Variants in MSRA observed in about 807,000 individuals in gnomAD.
MSRA encodes the protein methionine sulfoxide reductase A.
MSRA carries 54 observed loss-of-function variants against 31.3 expected under a neutral mutation model. The ratio of observed to expected loss-of-function variants is 1.73; its 90% confidence interval spans 1.39 to 2.17. The LOEUF is 2.17. Ranked by LOEUF, MSRA falls within the 30% of genes most tolerant of loss-of-function variation. The probability of loss-of-function intolerance (pLI) is 0.00; values close to 1 mark genes in which losing one functional copy is unlikely to be tolerated. For synonymous variants in MSRA, 169 were observed against 116.5 expected (o/e 1.45, Z -2.90); for missense variants, 507 against 300.9 (o/e 1.69, Z -5.07).
At chr8:10,075,903 T>A (rs761080200) in intron 1 of MSRA, among the ~76,000 whole-genome samples, 19 of 152,234 alleles carry the variant, frequency 1.2e-4, no homozygotes, top group Non-Finnish European at 2.5e-4. Context: ...AGTGTGATGC[T>A]GGGAAATGAA....
intron 2 of MSRA, among the ~76,000 whole-genome samples, chr8:10,232,840 A>G (rs938106715): frequency 6.6e-6 from 1 of 152,216 alleles, no homozygotes; most frequent in African/African-American, 2.4e-5. Flanking sequence ...TGATTTTGTA[A>G]TGATTGTGTC....
chr8:10,159,539 T>C (rs1804461098), intron 1 of MSRA, among the ~76,000 whole-genome samples: 1 of 152,226 alleles, frequency 6.6e-6, no homozygotes, highest in Non-Finnish European at 1.5e-5. Flanking sequence ...AAGTACAGTT[T>C]TTTACTCAAT....
chr8:10,162,233 C>T (rs979663036), intron 1 of MSRA, among the ~76,000 whole-genome samples: 2 of 152,142 alleles, frequency 1.3e-5, no homozygotes, highest in Admixed American at 1.3e-4. Context: ...GGACAGGGTA[C>T]TTGCAGAATC....
Position 10,074,488 on chromosome 8 carries a change from A to G in MSRA, c.142+19830A>G, listed in dbSNP as rs62488694. On this transcript the variant is annotated intron_variant, in intron 1 of 5. Transcript: ENST00000317173. ...TCTCTAAGTTAGGAAATAAGTGAAT[A>G]AGTTTTTTTGATCACTGAAAGGTAA... Among the ~76,000 whole-genome samples the G allele has an allele frequency of 2.4e-3, 366 of 152,226 alleles. 1 individual carries two copies. The highest frequency in any genetic ancestry group is 3.8e-3 in the Non-Finnish European group (260 of 68,022).
intron 5 of MSRA, among the ~76,000 whole-genome samples, chr8:10,363,592 C>T (rs1336647082): frequency 6.6e-6 from 1 of 152,158 alleles, no homozygotes; most frequent in African/African-American, 2.4e-5. Context: ...GGATCTACAT[C>T]TGCGTAACCT....
intron 1 of MSRA, among the ~76,000 whole-genome samples, chr8:10,120,751 C>T (rs369115564): frequency 1.3e-5 from 2 of 152,164 alleles, no homozygotes; most frequent in African/African-American, 2.4e-5. Flanking sequence ...CCTGCCCTTG[C>T]AGACTCACTG....
chr8:10,382,386 G>A (rs1483148291), intron 5 of MSRA, among the ~76,000 whole-genome samples: 2 of 152,200 alleles, frequency 1.3e-5, no homozygotes, highest in Non-Finnish European at 2.9e-5. Flanking sequence ...CACACTGCTG[G>A]AAGAGACACC....
chr8:10,067,494 T>G (rs918998663), intron 1 of MSRA, among the ~76,000 whole-genome samples: 7 of 152,238 alleles, frequency 4.6e-5, no homozygotes, highest in Admixed American at 3.3e-4. Flanking sequence ...TCTATTAAAA[T>G]TTTTATTCAA....
At chr8:10,307,078 C>T (rs887944937) in intron 4 of MSRA, among the ~76,000 whole-genome samples, 1 of 152,206 alleles carries the variant, frequency 6.6e-6, no homozygotes, top group Non-Finnish European at 1.5e-5. Flanking sequence ...TATTTGGATG[C>T]AGCTCTGTCT....
chr8:10,131,066 C>T (rs1801860165), intron 1 of MSRA, among the ~76,000 whole-genome samples: 2 of 152,184 alleles, frequency 1.3e-5, no homozygotes, highest in South Asian at 4.1e-4. Context: ...AGAAAGGACA[C>T]ATTCTTGCCT....
At chr8:10,170,483 T>G (rs1805497990) in intron 1 of MSRA, among the ~76,000 whole-genome samples, 1 of 152,166 alleles carries the variant, frequency 6.6e-6, no homozygotes, top group African/African-American at 2.4e-5. Flanking sequence ...CCTCCAGAAT[T>G]GTGAGGAATA....
chr8:10,381,084 C>G (rs1269705051), intron 5 of MSRA, among the ~76,000 whole-genome samples: 1 of 152,040 alleles, frequency 6.6e-6, no homozygotes, highest in Non-Finnish European at 1.5e-5. Context: ...GATGGATATC[C>G]TATATCTATT....
chr8:10,269,540 C>T (rs1585322085), intron 3 of MSRA, among the ~76,000 whole-genome samples: 1 of 152,356 alleles, frequency 6.6e-6, no homozygotes, highest in Non-Finnish European at 1.5e-5. Flanking sequence ...CTACAGAGAG[C>T]CGGCAGGGCA....
chr8:10,240,371 T>C (rs1368328562), intron 2 of MSRA, among the ~76,000 whole-genome samples: 4 of 152,172 alleles, frequency 2.6e-5, no homozygotes, highest in African/African-American at 9.7e-5. Context: ...ATCTCTGCCA[T>C]TGTGGCCAGT....
chr8:10,132,436 G>A (rs1026426834), intron 1 of MSRA, among the ~76,000 whole-genome samples: 3 of 152,174 alleles, frequency 2.0e-5, no homozygotes, highest in Non-Finnish European at 4.4e-5. Flanking sequence ...GCAGCATACC[G>A]TAGGCTGGGT....
intron 1 of MSRA, among the ~76,000 whole-genome samples, chr8:10,172,684 A>G (rs1395623565): frequency 6.6e-6 from 1 of 152,180 alleles, no homozygotes; most frequent in Non-Finnish European, 1.5e-5. Context: ...CTAAGAATCT[A>G]GGGCCCAAAG....
intron 1 of MSRA, among the ~76,000 whole-genome samples, chr8:10,190,769 A>G (rs983454337): frequency 5.3e-5 from 8 of 152,112 alleles, no homozygotes; most frequent in African/African-American, 1.9e-4. Context: ...TCTGTGACCT[A>G]TGGTTTTTGT....
At chr8:10,174,908 G>A (rs1435922615) in intron 1 of MSRA, among the ~76,000 whole-genome samples, 2 of 152,132 alleles carry the variant, frequency 1.3e-5, no homozygotes, top group Non-Finnish European at 2.9e-5. Context: ...CATCTCCCCA[G>A]ACAGGCTGCC....
At chr8:10,058,194 G>A (rs1005466729) in intron 1 of MSRA, among the ~76,000 whole-genome samples, 1 of 151,840 alleles carries the variant, frequency 6.6e-6, no homozygotes, top group South Asian at 2.1e-4. Flanking sequence ...TCTCTTTTAA[G>A]AACTTTAAAT....
Sources: gnomAD v4.1 joint callset for allele counts (sites outside exome capture counted in the v4.1 genomes callset) on GRCh38, gnomAD v4.1.1 for gene constraint, MANE v1.5 for transcripts, NCBI Gene and HGNC (gene_info 2026-07-23, HGNC 2026-07-21) for gene names.